ATP6V1H: variants seen among roughly 807,000 people sequenced by gnomAD.
ATP6V1H encodes ATPase H+ transporting V1 subunit H, also known as V-type proton ATPase subunit H.
A neutral mutation model predicts 71.7 loss-of-function variants in ATP6V1H; 39 were observed. The observed-to-expected ratio is 0.54, with a 90% CI of 0.42 to 0.71. The LOEUF (loss-of-function observed/expected upper bound fraction) is 0.71. Ranked by LOEUF, ATP6V1H falls within the 30% of genes least tolerant of loss-of-function variation. The probability of loss-of-function intolerance (pLI) is 0.00; values close to 1 mark genes in which losing one functional copy is unlikely to be tolerated. For missense variants in ATP6V1H, 509 were observed against 594.9 expected, an observed-to-expected ratio of 0.86 and a Z score of 1.50; for synonymous variants, 192 against 199.3, an observed-to-expected ratio of 0.96 and a Z score of 0.31.
intron 12 of ATP6V1H, among the ~76,000 whole-genome samples, chr8:53,748,487 G>A (rs1807684449): frequency 1.3e-5 from 2 of 152,178 alleles, no homozygotes; most frequent in Non-Finnish European, 2.9e-5. Context: ...TGTTAATTCT[G>A]TTTTCTTAAT....
At chr8:53,726,737 A>G (rs1271061414) in intron 13 of ATP6V1H, among the ~76,000 whole-genome samples, 1 of 152,192 alleles carries the variant, frequency 6.6e-6, no homozygotes, top group Non-Finnish European at 1.5e-5. Context: ...TAGTGCCTCA[A>G]TAATGCTAAT....
intron 4 of ATP6V1H, among the ~76,000 whole-genome samples, chr8:53,818,319 T>G (rs949585166): frequency 1.3e-5 from 2 of 152,214 alleles, no homozygotes; most frequent in African/African-American, 2.4e-5. Flanking sequence ...GTATTTGTTA[T>G]GTAAGTTCTT....
chr8:53,715,861 A>T lies in ATP6V1H; in HGVS notation c.*103T>A. On this transcript the variant is annotated 3_prime_UTR_variant, in exon 14 of 14. Coordinates refer to ENST00000359530, the MANE Select transcript of ATP6V1H (RefSeq NM_015941.4). The stretch of plus-strand genomic sequence containing the variant: ...AGCATTGGGAAAAGCTATATAACAG[A>T]GGAAATTCCAAGTAAAATCAAACAG... 2.1e-6 allele frequency: 2 copies of T among 955,604 alleles called. No homozygotes were observed. The allele number at this position is 955,604 out of a possible 1,614,324, so 59.2% of individuals were successfully genotyped here. A position where few individuals can be genotyped will look rare whatever the true frequency, so the allele number is the denominator to read the frequency against.
chr8:53,719,050 C>T (rs1401193394), intron 13 of ATP6V1H, among the ~76,000 whole-genome samples: 4 of 152,152 alleles, frequency 2.6e-5, no homozygotes, highest in Non-Finnish European at 5.9e-5. Context: ...TGTTAGATGG[C>T]TTTCTAACAT....
intron 9 of ATP6V1H, among the ~76,000 whole-genome samples, chr8:53,777,102 G>A (rs1446982537): frequency 6.6e-6 from 1 of 152,182 alleles, no homozygotes; most frequent in Non-Finnish European, 1.5e-5. Flanking sequence ...TCTAACATAA[G>A]TGGAATTAGA....
chr8:53,780,554 A>T lies in ATP6V1H; in HGVS notation c.871-8387T>A, dbSNP rs901053267. 2.0e-5 allele frequency among the ~76,000 whole-genome samples: 3 copies of T among 152,040 alleles called. No individual in the cohort carries two copies. The East Asian group carries it at 5.8e-4, about 29-fold the overall frequency. On this transcript the variant is annotated intron_variant, in intron 9 of 13. Transcript: ENST00000359530. ...TTTTCTTTTTTTTAATTTTATTATTATTACACTTTAAGTTTTAGGGTACAT... is the reference window on the plus strand; with the variant it reads ...TTTTCTTTTTTTTAATTTTATTATTTTTACACTTTAAGTTTTAGGGTACAT...
At chr8:53,753,744 G>T (rs1807886631) in intron 12 of ATP6V1H, among the ~76,000 whole-genome samples, 1 of 151,872 alleles carries the variant, frequency 6.6e-6, no homozygotes, top group African/African-American at 2.4e-5. Context: ...ATTTATATTT[G>T]CCTTATCTAA....
At chr8:53,839,233 T>C (rs571056812) in intron 2 of ATP6V1H, among the ~76,000 whole-genome samples, 116 of 152,328 alleles carry the variant, frequency 7.6e-4, no homozygotes, top group African/African-American at 1.4e-3. Flanking sequence ...TGCTTTATGA[T>C]CAACAATATT....
chr8:53,801,793 A>G lies in ATP6V1H; in HGVS notation c.677+6T>C. 6.2e-7 allele frequency: 1 copy of G among 1,610,862 alleles called. No individual in the cohort carries two copies. Among genetic ancestry groups the G allele is most frequent in the Non-Finnish European group, 8.5e-7 (1 of 1,177,704 alleles). ...TTATTTTACATTAAAAGGAAAGGGC[A>G]CTCACCAATTTACCCCATCTGCTTC... On this transcript the variant is annotated splice_donor_region_variant and intron_variant, in intron 8 of 13. Coordinates refer to ENST00000359530, the MANE Select transcript of ATP6V1H (RefSeq NM_015941.4).
intron 9 of ATP6V1H, among the ~76,000 whole-genome samples, chr8:53,783,378 C>T (rs1218372755): frequency 6.6e-6 from 1 of 152,208 alleles, no homozygotes; most frequent in South Asian, 2.1e-4. Context: ...TCTGTGGGGT[C>T]GGTGGTGATA....
At chr8:53,731,452 A>G (rs1807021956) in intron 13 of ATP6V1H, among the ~76,000 whole-genome samples, 1 of 152,220 alleles carries the variant, frequency 6.6e-6, no homozygotes. Context: ...TGTATTATCT[A>G]CAGATTCCAG....
At chr8:53,804,940 G>A (rs1206861968) in intron 7 of ATP6V1H, among the ~76,000 whole-genome samples, 1 of 152,142 alleles carries the variant, frequency 6.6e-6, no homozygotes, top group East Asian at 1.9e-4. Flanking sequence ...ACAACACAAA[G>A]ATAATAGCAA....
At chr8:53,821,664 G>C (rs1810667121) in intron 4 of ATP6V1H, among the ~76,000 whole-genome samples, 1 of 151,906 alleles carries the variant, frequency 6.6e-6, no homozygotes, top group Non-Finnish European at 1.5e-5. Context: ...TCTAGCCGAG[G>C]CAACAAAGTG....
intron 9 of ATP6V1H, among the ~76,000 whole-genome samples, chr8:53,781,656 G>C (rs559424343): frequency 6.6e-6 from 1 of 152,062 alleles, no homozygotes; most frequent in Admixed American, 6.5e-5. Context: ...TTTTCTTCTA[G>C]GGTTTTTATG....
chr8:53,811,909 C>T (rs888433577), intron 6 of ATP6V1H, among the ~76,000 whole-genome samples: 3 of 152,126 alleles, frequency 2.0e-5, no homozygotes, highest in Non-Finnish European at 4.4e-5. Flanking sequence ...AAGAACAAAA[C>T]ATCTAAACTT....
chr8:53,770,821 C>G (rs367741334), intron 10 of ATP6V1H, among the ~76,000 whole-genome samples: 1 of 152,198 alleles, frequency 6.6e-6, no homozygotes, highest in South Asian at 2.1e-4. Flanking sequence ...TTACGGAGAA[C>G]CAGTCATCAG....
intron 12 of ATP6V1H, 58 bp from the exon 13 acceptor site, chr8:53,743,748 T>C: frequency 2.4e-6 from 3 of 1,246,116 alleles, no homozygotes; most frequent in East Asian, 4.9e-5. Context: ...TCACAGTTTG[T>C]AAGCAGGCAG....
Position 53,841,619 on chromosome 8 carries a change from T to G in ATP6V1H, c.72A>C (p.Ala24=). 1 of 1,614,198 alleles carries G rather than the reference T, an allele frequency of 6.2e-7. No individual in the cohort carries two copies. Among genetic ancestry groups the G allele is most frequent in the Admixed American group, 1.7e-5 (1 of 60,026 alleles). Residue 24 remains alanine, a synonymous_variant, in exon 2 of 14, where the codon GCA becomes GCC. Coordinates refer to ENST00000359530, the MANE Select transcript of ATP6V1H (RefSeq NM_015941.4). ...AGTTGACTTTGTTTGCACGAACTTC[T>G]GCAGCCTTGGCAGCAATAATATTGG... is the stretch of plus-strand genomic sequence containing the variant. ...VPTNIIAAKA[A]EVRANKVNWQ... is the part of the protein sequence containing the mutation.
intron 9 of ATP6V1H, among the ~76,000 whole-genome samples, chr8:53,786,601 G>A (rs546290483): frequency 1.1e-3 from 166 of 152,268 alleles, no homozygotes; most frequent in Middle Eastern, 3.4e-3. Context: ...GAAATCACCC[G>A]TCTTCTGTGT....
Sources: allele counts gnomAD v4.1 joint callset (sites outside exome capture counted in the v4.1 genomes callset), GRCh38; gene constraint gnomAD v4.1.1; transcripts MANE v1.5; gene names NCBI Gene and HGNC (gene_info 2026-07-23, HGNC 2026-07-21).